Variants in SMAP1 observed in about 807,000 individuals in gnomAD.
SMAP1 encodes small ArfGAP 1.
A neutral mutation model predicts 58.5 loss-of-function variants in SMAP1; 24 were observed. That is an observed-to-expected ratio of 0.41 (90% CI 0.30 to 0.58). SMAP1 has a LOEUF of 0.58. Among genes scored for constraint, SMAP1 ranks in the 20% least tolerant of loss-of-function variants. SMAP1 has a pLI of 0.29. For missense variants in SMAP1, 563 were observed against 566.3 expected, an observed-to-expected ratio of 0.99 and a Z score of 0.06; for synonymous variants, 216 against 196.6, an observed-to-expected ratio of 1.10 and a Z score of -0.82.
intron 1 of SMAP1, among the ~76,000 whole-genome samples, chr6:70,670,604 T>C (rs1349329046): frequency 6.6e-6 from 1 of 152,244 alleles, no homozygotes; most frequent in African/African-American, 2.4e-5. Context: ...ACTCTACAGC[T>C]CAGTTACTAA....
At chr6:70,766,651 T>A (rs948683336) in intron 3 of SMAP1, among the ~76,000 whole-genome samples, 15 of 152,210 alleles carry the variant, frequency 9.9e-5, no homozygotes, top group African/African-American at 3.4e-4. Flanking sequence ...TATTAGCCCT[T>A]TGTCAGATGA....
In SMAP1 at chr6:70,856,988, T is replaced by C. The variant is rs749904379; in HGVS notation, c.919T>C (p.Ser307Pro). 6.2e-7 allele frequency: 1 copy of C among 1,613,874 alleles called. No homozygotes were observed. Among genetic ancestry groups the C allele is most frequent in the African/African-American group, 1.3e-5 (1 of 74,944 alleles). ...ACAACTTTCCAAAGACTCCATCTTATCTCTGTATGGCACAGGAACCATTCA... is the reference window on the plus strand; with the variant it reads ...ACAACTTTCCAAAGACTCCATCTTACCTCTGTATGGCACAGGAACCATTCA... ...KKQLSKDSILSLYGTGTIQQQ... is the reference protein window; with the variant it reads ...KKQLSKDSILPLYGTGTIQQQ... Residue 307 changes from serine (S) to proline (P), a missense_variant, in exon 9 of 11, where the codon TCT becomes CCT. Ser to Pro is a moderately conservative substitution (Grantham distance 74). Around this residue, in one of 3 missense-constraint regions of SMAP1, gnomAD observed 494 missense variants for 473.8 expected, o/e 1.04. Coordinates refer to ENST00000370455, the MANE Select transcript of SMAP1 (RefSeq NM_001044305.3).
At chr6:70,809,861 A>G (rs182559174) in intron 6 of SMAP1, among the ~76,000 whole-genome samples, 1 of 152,162 alleles carries the variant, frequency 6.6e-6, no homozygotes, top group Non-Finnish European at 1.5e-5. Context: ...TCTTTTGTTT[A>G]TAGATTTTTA....
chr6:70,794,099 A>G (rs1301673731), intron 5 of SMAP1, among the ~76,000 whole-genome samples: 6 of 152,174 alleles, frequency 3.9e-5, no homozygotes, highest in East Asian at 1.9e-4. Context: ...ACTTACCTCC[A>G]TCTTACTGGA....
chr6:70,761,109 T>A (rs1766728908), intron 3 of SMAP1, among the ~76,000 whole-genome samples: 1 of 152,064 alleles, frequency 6.6e-6, no homozygotes, highest in African/African-American at 2.4e-5. Flanking sequence ...GATATTAATT[T>A]AGTTGTCTTT....
Position 70,773,428 on chromosome 6 carries a change from A to G in SMAP1, c.414+3A>G. On this transcript the variant is annotated splice_donor_region_variant and intron_variant, in intron 4 of 10. Coordinates refer to ENST00000370455, the MANE Select transcript of SMAP1 (RefSeq NM_001044305.3). ...AAAATGCCATAGCTATTACAAATGTAAGTAAAACCTTCATCTCTCATCAAT... is the reference window on the plus strand; with the variant it reads ...AAAATGCCATAGCTATTACAAATGTGAGTAAAACCTTCATCTCTCATCAAT... 6 of 1,504,926 alleles carry G rather than the reference A, an allele frequency of 4.0e-6. No individual in the cohort carries two copies. The highest frequency in any genetic ancestry group is 5.5e-6 in the Non-Finnish European group (6 of 1,094,252). 93.2% of individuals were successfully genotyped at this position (1,504,926 alleles called of 1,614,324 possible).
At chr6:70,730,923 C>T (rs1562120403) in intron 1 of SMAP1, among the ~76,000 whole-genome samples, 1 of 152,170 alleles carries the variant, frequency 6.6e-6, no homozygotes, top group Non-Finnish European at 1.5e-5. Flanking sequence ...CCTCAGCCTC[C>T]TGAGGAGCTG....
At chr6:70,729,505 G>A (rs952657656) in intron 1 of SMAP1, among the ~76,000 whole-genome samples, 5 of 145,862 alleles carry the variant, frequency 3.4e-5, no homozygotes, top group East Asian at 2.0e-4. Flanking sequence ...ATGTGTGTAT[G>A]TATCCAGTTT....
intron 1 of SMAP1, among the ~76,000 whole-genome samples, chr6:70,683,661 C>T (rs1245830886): frequency 1.3e-5 from 2 of 152,082 alleles, no homozygotes; most frequent in African/African-American, 2.4e-5. Context: ...CTCCATATTC[C>T]ACCCATAAGA....
At chr6:70,821,465 T>C (rs1769888847) in intron 6 of SMAP1, among the ~76,000 whole-genome samples, 1 of 152,122 alleles carries the variant, frequency 6.6e-6, no homozygotes, top group Admixed American at 6.6e-5. Context: ...TCCTAGTGAG[T>C]ATAGAAACTA....
At chr6:70,734,459 T>C (rs1765545489) in intron 2 of SMAP1, 1 of 152,278 alleles carries the variant, frequency 6.6e-6, no homozygotes, top group Non-Finnish European at 1.5e-5. Context: ...TGTGTTTCTT[T>C]TTAAAAAATT....
chr6:70,732,030 A>G (rs977476300), intron 1 of SMAP1, among the ~76,000 whole-genome samples: 1 of 152,140 alleles, frequency 6.6e-6, no homozygotes, highest in Admixed American at 6.5e-5. Flanking sequence ...TCTTGTGCAT[A>G]TCTTATGCAT....
At chr6:70,784,109 A>G (rs1341601291) in intron 4 of SMAP1, among the ~76,000 whole-genome samples, 3 of 152,244 alleles carry the variant, frequency 2.0e-5, no homozygotes, top group Non-Finnish European at 4.4e-5. Flanking sequence ...ACCTCTCGGC[A>G]GAAACTCTAC....
intron 3 of SMAP1, among the ~76,000 whole-genome samples, chr6:70,766,563 C>G (rs1766995710): frequency 6.6e-6 from 1 of 152,106 alleles, no homozygotes; most frequent in South Asian, 2.1e-4. Flanking sequence ...AGTGTCTGTT[C>G]CTGTCCTTTG....
intron 2 of SMAP1, 83 bp from the exon 3 acceptor site, chr6:70,754,897 T>C (rs958800408): frequency 1.5e-6 from 1 of 674,180 alleles, no homozygotes; most frequent in Admixed American, 2.4e-5. Flanking sequence ...TTGGTATTTG[T>C]GTATATGTAT....
At chr6:70,752,045 A>G in intron 2 of SMAP1, among the ~76,000 whole-genome samples, 1 of 152,238 alleles carries the variant, frequency 6.6e-6, no homozygotes, top group African/African-American at 2.4e-5. Context: ...TGATGTTTTA[A>G]TAATAGAGGT....
chr6:70,801,740 C>T (rs1228614134), intron 6 of SMAP1, among the ~76,000 whole-genome samples: 1 of 152,148 alleles, frequency 6.6e-6, no homozygotes, highest in African/African-American at 2.4e-5. Context: ...TATGGCTAGC[C>T]AGTTTTCCCA....
intron 4 of SMAP1, among the ~76,000 whole-genome samples, chr6:70,784,654 C>T (rs1372430712): frequency 9.9e-5 from 15 of 152,168 alleles, no homozygotes; most frequent in South Asian, 8.3e-4. Context: ...GTTGCAATCC[C>T]AGTCTCTGAT....
At chr6:70,720,475 C>G (rs1768474277) in intron 1 of SMAP1, among the ~76,000 whole-genome samples, 1 of 152,174 alleles carries the variant, frequency 6.6e-6, no homozygotes. Context: ...GATGGTGGCC[C>G]TCTTCTCACA....
Sources: gnomAD v4.1 joint callset for allele counts (sites outside exome capture counted in the v4.1 genomes callset) on GRCh38, gnomAD v4.1.1 for gene constraint, gnomAD v4.1.1 regional missense constraint, MANE v1.5 for transcripts, NCBI Gene and HGNC (gene_info 2026-07-23, HGNC 2026-07-21) for gene names.